The following LRBA variants were observed in gnomAD, a reference collection of about 807,000 sequenced individuals.
The protein encoded by LRBA is lipopolysaccharide-responsive and beige-like anchor protein.
Under a neutral mutation model 330.0 loss-of-function variants are expected in LRBA, and 176 were observed. That is an observed-to-expected ratio of 0.53 (90% CI 0.47 to 0.60). LRBA has a LOEUF of 0.60. LRBA is among the 20% of genes least tolerant of loss of function. The probability of loss-of-function intolerance (pLI) is 0.00; values close to 1 mark genes in which losing one functional copy is unlikely to be tolerated. For synonymous variants in LRBA, 1,230 were observed against 1,193.0 expected (o/e 1.03, Z -0.64); for missense variants, 3,259 against 3,444.8 (o/e 0.95, Z 1.35).
intron 40 of LRBA, among the ~76,000 whole-genome samples, chr4:150,499,041 C>G (rs1759921901): frequency 6.6e-6 from 1 of 152,036 alleles, no homozygotes; most frequent in South Asian, 2.1e-4. Flanking sequence ...CATTTATGAT[C>G]TTAAAATTAG....
chr4:150,913,928 T>C (rs978882415), intron 9 of LRBA, among the ~76,000 whole-genome samples: 3 of 152,222 alleles, frequency 2.0e-5, no homozygotes, highest in African/African-American at 7.2e-5. Context: ...AATGTTTTAA[T>C]ACAGTCATGC....
At chr4:150,373,191 G>A (rs1284286113) in intron 47 of LRBA, among the ~76,000 whole-genome samples, 2 of 150,968 alleles carry the variant, frequency 1.3e-5, no homozygotes, top group Non-Finnish European at 3.0e-5. Flanking sequence ...GAGAGAGAGA[G>A]AGAGAGAGAG....
intron 40 of LRBA, among the ~76,000 whole-genome samples, chr4:150,570,685 GCTT>G (rs1769727175): frequency 6.6e-6 from 1 of 151,990 alleles, no homozygotes; most frequent in African/African-American, 2.4e-5. Flanking sequence ...TTGTAAGTTG[GCTT>G]CTTTTTAAAA....
chr4:150,804,975 C>A (rs563080806), intron 33 of LRBA, among the ~76,000 whole-genome samples: 1 of 151,848 alleles, frequency 6.6e-6, no homozygotes, highest in Admixed American at 6.6e-5. Context: ...AAAAATAAAT[C>A]CTAGGTACGA....
intron 53 of LRBA, among the ~76,000 whole-genome samples, chr4:150,288,729 T>TTC (rs1553990972): frequency 2.7e-5 from 1 of 37,174 alleles, no homozygotes; most frequent in Non-Finnish European, 9.1e-5. Context: ...CATTGGCAAC[T>TTC]TTTTTTTTTT....
At chr4:150,759,153 C>T (rs1172949184) in intron 35 of LRBA, among the ~76,000 whole-genome samples, 1 of 152,108 alleles carries the variant, frequency 6.6e-6, no homozygotes, top group Non-Finnish European at 1.5e-5. Flanking sequence ...TGGGCTCTAA[C>T]AAGTCACCCA....
chr4:150,768,464 T>C (rs1334149749), intron 34 of LRBA, among the ~76,000 whole-genome samples: 1 of 152,180 alleles, frequency 6.6e-6, no homozygotes, highest in Non-Finnish European at 1.5e-5. Context: ...TGGAAGTTTA[T>C]TTTCCAGAAA....
At chr4:150,767,005 C>T (rs894373780) in intron 34 of LRBA, among the ~76,000 whole-genome samples, 5 of 152,028 alleles carry the variant, frequency 3.3e-5, no homozygotes, top group Admixed American at 6.5e-5. Context: ...ACAACAAAAA[C>T]AGTGAAGATA....
intron 44 of LRBA, among the ~76,000 whole-genome samples, chr4:150,448,796 G>A (rs377577391): frequency 4.0e-4 from 25 of 62,684 alleles, no homozygotes; most frequent in African/African-American, 1.4e-3. Context: ...GAGTGAAACA[G>A]TGTTTCAAAA....
At chr4:150,818,938 A>C (rs1047003070) in intron 30 of LRBA, among the ~76,000 whole-genome samples, 1 of 152,106 alleles carries the variant, frequency 6.6e-6, no homozygotes. Flanking sequence ...GCTTATGTCC[A>C]CAAAACATGT....
At chr4:150,422,894 C>G (rs1331727805) in intron 46 of LRBA, 3 of 896,070 alleles carry the variant, frequency 3.3e-6, no homozygotes, top group Non-Finnish European at 5.7e-6. Context: ...GCACTCAGGA[C>G]TGAACCAAGA....
intron 37 of LRBA, among the ~76,000 whole-genome samples, chr4:150,652,310 T>C (rs1398459444): frequency 6.6e-6 from 1 of 152,208 alleles, no homozygotes; most frequent in Non-Finnish European, 1.5e-5. Flanking sequence ...AAAATGTGCC[T>C]GTTGAGGTAT....
chr4:151,004,567 G>A (rs1296072465), intron 2 of LRBA, among the ~76,000 whole-genome samples: 1 of 152,170 alleles, frequency 6.6e-6, no homozygotes, highest in Non-Finnish European at 1.5e-5. Context: ...ATGGTTAACG[G>A]AAGGTAATAG....
intron 37 of LRBA, among the ~76,000 whole-genome samples, chr4:150,650,132 A>C (rs904438731): frequency 6.6e-6 from 1 of 152,188 alleles, no homozygotes; most frequent in Admixed American, 6.5e-5. Flanking sequence ...ACTCGTTCAA[A>C]GTTGCAAAGC....
At chr4:150,519,577 G>T (rs1048657779) in intron 40 of LRBA, among the ~76,000 whole-genome samples, 1 of 152,056 alleles carries the variant, frequency 6.6e-6, no homozygotes, top group African/African-American at 2.4e-5. Flanking sequence ...GTATTGCATT[G>T]TATAAATGTA....
chr4:150,658,255 A>G (rs1437203397), intron 37 of LRBA, among the ~76,000 whole-genome samples: 1 of 151,820 alleles, frequency 6.6e-6, no homozygotes, highest in Non-Finnish European at 1.5e-5. Context: ...GAAGAGTAAT[A>G]CTTTCTTAAA....
rs1047429077 is a variant in LRBA at position 150,645,000 on chromosome 4, C to T, written c.5921+38551G>A. 3.2e-4 allele frequency among the ~76,000 whole-genome samples: 49 copies of T among 151,732 alleles called. 1 individual carries two copies. Among genetic ancestry groups the T allele is most frequent in the Admixed American group, 1.5e-3 (23 of 15,210 alleles). Reference sequence around the variant, plus strand: ...ATCGAACCAGGAGTGTCATGGTGAACTTCATTCACTTTTTTTTCATGGTCT... The same window carrying T: ...ATCGAACCAGGAGTGTCATGGTGAATTTCATTCACTTTTTTTTCATGGTCT... On this transcript the variant is annotated intron_variant, in intron 37 of 56. Coordinates refer to ENST00000651943, the MANE Select transcript of LRBA (RefSeq NM_001364905.1).
chr4:150,904,673 C>T (rs1423359655), intron 13 of LRBA, among the ~76,000 whole-genome samples: 1 of 151,750 alleles, frequency 6.6e-6, no homozygotes, highest in African/African-American at 2.4e-5. Context: ...TTGAAACAAT[C>T]CTCAAAAAGA....
chr4:150,277,845 A>G lies in LRBA; in HGVS notation c.8468+8T>C. ...ACCCCTATTTGTAGCCCATGATTCC[A>G]GTGTTACCTCTGGTCGTAAGACAGC... On this transcript the variant is annotated splice_region_variant and intron_variant, in intron 56 of 56. Transcript: ENST00000651943. 1 of 1,613,216 alleles carries G rather than the reference A, an allele frequency of 6.2e-7. No individual in the cohort carries two copies. Among genetic ancestry groups the G allele is most frequent in the Non-Finnish European group, 8.5e-7 (1 of 1,179,378 alleles).
Sources: allele counts gnomAD v4.1 joint callset (sites outside exome capture counted in the v4.1 genomes callset), GRCh38; gene constraint gnomAD v4.1.1; transcripts MANE v1.5; gene names NCBI Gene and HGNC (gene_info 2026-07-23, HGNC 2026-07-21).